The following DAB1 variants were observed in gnomAD, a reference collection of about 807,000 sequenced individuals.
DAB1 encodes the protein DAB adaptor protein 1.
A neutral mutation model predicts 64.6 loss-of-function variants in DAB1; 15 were observed. That is an observed-to-expected ratio of 0.23 (90% confidence interval 0.16 to 0.36). DAB1 has a LOEUF of 0.36. Ranked by LOEUF, DAB1 falls within the 10% of genes least tolerant of loss-of-function variation. The pLI is 1.00. For missense variants in DAB1, 596 were observed against 706.7 expected, an observed-to-expected ratio of 0.84 and a Z score of 1.78; for synonymous variants, 235 against 251.9, an observed-to-expected ratio of 0.93 and a Z score of 0.64.
intron 6 of DAB1, among the ~76,000 whole-genome samples, chr1:57,709,591 GA>G (rs979986764): frequency 2.0e-5 from 3 of 151,782 alleles, no homozygotes; most frequent in Admixed American, 6.6e-5. Flanking sequence ...ATAGGTGAAA[GA>G]AAAAAAAGAG....
downstream of DAB1, among the ~76,000 whole-genome samples, chr1:57,822,284 G>A (rs1182301870): frequency 6.6e-6 from 1 of 152,134 alleles, no homozygotes; most frequent in Admixed American, 6.5e-5. Flanking sequence ...TTCCAAGTAA[G>A]AAGTGTTTCT....
chr1:58,518,470 T>C (rs987413911), intron 2 of DAB1, among the ~76,000 whole-genome samples: 10 of 150,982 alleles, frequency 6.6e-5, no homozygotes, highest in African/African-American at 2.4e-4. Context: ...TGGAGGGGAG[T>C]AGGACTGGAG....
At position 58,178,884 on chromosome 1, in the gene DAB1, T is replaced by A. The variant is rs1055057932; in HGVS notation, n.310-28296A>T. ...GAGATGGGGAGACCAGACTTCCTAT[T>A]TTGTTCCTGATCTGAAGTGAAAGGC... On this transcript the variant is annotated intron_variant and non_coding_transcript_variant, in intron 4 of 20. Coordinates refer to the DAB1 transcript ENST00000485760. 5.3e-5 allele frequency among the ~76,000 whole-genome samples: 8 copies of A among 152,250 alleles called. No homozygotes were observed. The East Asian group carries it at 1.5e-3, about 29-fold the overall frequency.
downstream of DAB1, among the ~76,000 whole-genome samples, chr1:57,825,437 T>C (rs1652302559): frequency 6.6e-6 from 1 of 152,204 alleles, no homozygotes. Flanking sequence ...AGGGCTATAG[T>C]AGGAACTGAA....
intron 5 of DAB1, among the ~76,000 whole-genome samples, chr1:58,078,841 A>G (rs1417333796): frequency 1.3e-5 from 2 of 152,174 alleles, no homozygotes; most frequent in East Asian, 3.8e-4. Context: ...GGTTCCTTTC[A>G]TCATATCTGT....
intron 6 of DAB1, among the ~76,000 whole-genome samples, chr1:57,785,058 G>A (rs931877314): frequency 6.6e-6 from 1 of 152,048 alleles, no homozygotes; most frequent in Non-Finnish European, 1.5e-5. Flanking sequence ...GAAAATTCTA[G>A]GCCTCTTCAG....
Position 57,538,010 on chromosome 1 carries a change from T to C in DAB1, n.625+111582A>G, listed in dbSNP as rs549617579. On this transcript the variant is annotated intron_variant and non_coding_transcript_variant, in intron 7 of 20. Coordinates refer to the DAB1 transcript ENST00000485760. The stretch of plus-strand genomic sequence containing the variant: ...AACTAAGAGTGAGAACTCACTCACC[T>C]TAAGGGAGGGCATTAATCTATCCAT... 2.0e-5 allele frequency among the ~76,000 whole-genome samples: 3 copies of C among 152,148 alleles called. No individual in the cohort carries two copies. The South Asian group carries it at 6.2e-4, about 32-fold the overall frequency.
chr1:57,186,926 G>A (rs1663623422), intron 2 of DAB1, among the ~76,000 whole-genome samples: 1 of 152,050 alleles, frequency 6.6e-6, no homozygotes, highest in African/African-American at 2.4e-5. Flanking sequence ...CTCAGCTCCA[G>A]GCTAATTCAT....
intron 5 of DAB1, among the ~76,000 whole-genome samples, chr1:58,047,511 CCT>C (rs1286396577): frequency 6.6e-6 from 1 of 152,100 alleles, no homozygotes; most frequent in African/African-American, 2.4e-5. Flanking sequence ...GCCACCAGCC[CCT>C]GTGTCCTACT....
intron 1 of DAB1, among the ~76,000 whole-genome samples, chr1:57,335,004 T>C (rs1293854608): frequency 1.3e-5 from 2 of 152,176 alleles, no homozygotes; most frequent in South Asian, 4.1e-4. Flanking sequence ...AATCAAACCA[T>C]AGCCTTTTGA....
At position 58,424,292 on chromosome 1, in the gene DAB1, A is replaced by C. The variant is rs115608755; in HGVS notation, n.258-80889T>G. On this transcript the variant is annotated intron_variant and non_coding_transcript_variant, in intron 3 of 20. Coordinates refer to the DAB1 transcript ENST00000485760. The stretch of plus-strand genomic sequence containing the variant: ...AACTGAGTGGATGAGGCCCACCCAC[A>C]GTAAGGAGGGCAATCTGCCTTCTCA... 6.5e-3 allele frequency among the ~76,000 whole-genome samples: 994 copies of C among 152,338 alleles called. 5 individuals are homozygous for C. Among genetic ancestry groups the C allele is most frequent in the Non-Finnish European group, 9.8e-3 (669 of 68,032 alleles).
chr1:57,695,384 GAAAGAAAGAAAGAAAGAAAGAAAGAAAGA>G (rs1646826417), intron 6 of DAB1, among the ~76,000 whole-genome samples: 84 of 75,206 alleles, frequency 1.1e-3, no homozygotes, highest in African/African-American at 3.5e-3. Flanking sequence ...AAGAAAGAAA[GAAAGAAAGAAAGAAAGAAAGAAAGAAAGA>G]AAGAAAGAAA....
chr1:57,592,564 A>G (rs1329912043), intron 7 of DAB1, among the ~76,000 whole-genome samples: 4 of 152,152 alleles, frequency 2.6e-5, no homozygotes. Context: ...ATAGAAAACC[A>G]AGTCAAACTA....
intron 7 of DAB1, among the ~76,000 whole-genome samples, chr1:57,555,391 G>GTTTTTTTTTTT (rs11303581): frequency 1.6e-5 from 2 of 128,810 alleles, no homozygotes; most frequent in Non-Finnish European, 3.3e-5. Flanking sequence ...CTGTCTCTGG[G>GTTTTTTTTTTT]TTTTTTTTTT....
At chr1:57,772,119 T>C (rs932674716) in intron 6 of DAB1, among the ~76,000 whole-genome samples, 6 of 152,072 alleles carry the variant, frequency 3.9e-5, no homozygotes, top group African/African-American at 1.4e-4. Context: ...TCTGCACTTA[T>C]GATGGATTAA....
At chr1:57,760,641 CAG>C (rs1649042295) in intron 6 of DAB1, among the ~76,000 whole-genome samples, 1 of 145,048 alleles carries the variant, frequency 6.9e-6, no homozygotes, top group African/African-American at 2.6e-5. Flanking sequence ...CACACACACA[CAG>C]ACACACACAC....
chr1:57,159,856 CA>C (rs398049302), intron 2 of DAB1, among the ~76,000 whole-genome samples: 16,872 of 85,530 alleles, frequency 0.2, 548 homozygotes, highest in Middle Eastern at 0.27. Context: ...AGCAGCAAGA[CA>C]AAAAAAAAAA....
chr1:57,829,092 A>C (rs852779), intron 1 of DAB1, among the ~76,000 whole-genome samples: 91,424 of 151,882 alleles, frequency 0.6, 27,782 homozygotes, highest in African/African-American at 0.68. Flanking sequence ...CCCCACCCCT[A>C]AAGCATTCAC....
rs939307237 is a variant in DAB1, at chr1:56,997,406, G to C, written c.*738C>G. 6.6e-6 allele frequency: 1 copy of C among 152,066 alleles called. No homozygotes were observed. Among genetic ancestry groups the C allele is most frequent in the Non-Finnish European group, 1.5e-5 (1 of 68,016 alleles). The allele number at this position is 152,066 out of a possible 1,614,324, so 9.4% of individuals were successfully genotyped here. On this transcript the variant is annotated 3_prime_UTR_variant, in exon 15 of 15. Transcript: ENST00000371236. ...CTAAAGGACTGTTTTGGCAACATTC[G>C]TGATCATAATGAATAATCAACCACT...
Sources: allele counts gnomAD v4.1 joint callset (sites outside exome capture counted in the v4.1 genomes callset), GRCh38; gene constraint gnomAD v4.1.1; transcripts MANE v1.5; gene names NCBI Gene and HGNC (gene_info 2026-07-23, HGNC 2026-07-21).